Variants in RBSN observed in about 807,000 individuals in gnomAD.
The protein encoded by RBSN is rabenosyn, RAB effector, also known as rabenosyn-5.
A neutral mutation model predicts 60.5 loss-of-function variants in RBSN; 34 were observed. That is an observed-to-expected ratio of 0.56 (90% confidence interval 0.43 to 0.75). The LOEUF (loss-of-function observed/expected upper bound fraction) is 0.75. RBSN is among the 30% of genes least tolerant of loss of function. RBSN has a pLI of 0.00. For synonymous variants in RBSN, 322 were observed against 366.9 expected (o/e 0.88, Z 1.40); for missense variants, 845 against 986.8 (o/e 0.86, Z 1.92).
chr3:15,091,639 G>T, intron 4 of RBSN: 1 of 432,546 alleles, frequency 2.3e-6, no homozygotes, highest in Non-Finnish European at 3.5e-6. Flanking sequence ...TAAGGCAGGT[G>T]ATAGCCCTAC....
chr3:15,084,803 T>C lies in RBSN; in HGVS notation c.530A>G (p.His177Arg). ...AATAGACCCGCAGAGGCGGCAGTGGTGGCGGCGGTTCCGGATGCTGAACTT... is the reference window on the plus strand; with the variant it reads ...AATAGACCCGCAGAGGCGGCAGTGGCGGCGGCGGTTCCGGATGCTGAACTT... The part of the protein sequence containing the change: ...GNKFSIRNRR[H>R]HCRLCGSIMC... The change falls in exon 8 of 14, where the codon CAC becomes CGC. Residue 177 changes from histidine to arginine, a missense_variant. Coordinates refer to ENST00000253699, the MANE Select transcript of RBSN (RefSeq NM_022340.4). The surrounding 1 kb of genome is among the most constrained non-coding windows in gnomAD (Gnocchi z 4.2). 2 of 1,614,180 alleles carry C rather than the reference T, an allele frequency of 1.2e-6. No individual in the cohort carries two copies. The highest frequency in any genetic ancestry group is 1.1e-5 in the South Asian group (1 of 91,084).
At chr3:15,092,264 C>CTT (rs1057386629) in intron 4 of RBSN, among the ~76,000 whole-genome samples, 1 of 142,876 alleles carries the variant, frequency 7.0e-6, no homozygotes, top group Non-Finnish European at 1.5e-5. Context: ...ATACACTTGT[C>CTT]TTTTTTTTTT....
rs1040198670 is a variant in RBSN at position 15,082,213 on chromosome 3, A to C, written c.840+154T>G. 5.3e-5 allele frequency among the ~76,000 whole-genome samples: 8 copies of C among 152,200 alleles called. No homozygotes were observed. Among genetic ancestry groups the C allele is most frequent in the African/African-American group, 1.9e-4 (8 of 41,464 alleles). Reference sequence around the variant, plus strand: ...ATGACTCTGACTCACACAGGGCCCTAGCTGGGAAATCATAACATGGGCCTT... The same window carrying C: ...ATGACTCTGACTCACACAGGGCCCTCGCTGGGAAATCATAACATGGGCCTT... On this transcript the variant is annotated intron_variant, in intron 9 of 13. Coordinates refer to ENST00000253699, the MANE Select transcript of RBSN (RefSeq NM_022340.4). The surrounding 1 kb of genome is among the most constrained non-coding windows in gnomAD (Gnocchi z 4.2).
At chr3:15,083,452 A>G (rs2043258444) in intron 8 of RBSN, among the ~76,000 whole-genome samples, 1 of 152,158 alleles carries the variant, frequency 6.6e-6, no homozygotes, top group African/African-American at 2.4e-5. Flanking sequence ...GATCATCTTC[A>G]GCAACTTCTA....
Position 15,075,605 on chromosome 3 carries a change from C to G in RBSN, c.1206+1G>C. ...GGCCCCATATCCCTGGCTTCACTCA[C>G]TTGTCTCTCCACGGCCCTCTTCCTC... On this transcript the variant is annotated splice_donor_variant, in intron 13 of 13. Transcript: ENST00000253699. LOFTEE classifies it high-confidence loss of function. The G allele has an allele frequency of 6.2e-7, 1 of 1,613,698 alleles. No individual in the cohort carries two copies. Among genetic ancestry groups the G allele is most frequent in the Non-Finnish European group, 8.5e-7 (1 of 1,179,610 alleles).
intron 5 of RBSN, among the ~76,000 whole-genome samples, chr3:15,087,142 C>T (rs2043364538): frequency 6.6e-6 from 1 of 152,180 alleles, no homozygotes; most frequent in South Asian, 2.1e-4. Flanking sequence ...ATATGCATTA[C>T]TTCATATACT....
rs1652102580 is a variant in RBSN, at chr3:15,070,214, A to G, written c.*3568T>C. 1.3e-5 allele frequency: 2 copies of G among 152,620 alleles called. No individual in the cohort carries two copies. The highest frequency in any genetic ancestry group is 1.3e-4 in the Admixed American group (2 of 15,274). 9.5% of individuals were successfully genotyped at this position (152,620 alleles called of 1,614,324 possible). On this transcript the variant is annotated 3_prime_UTR_variant, in exon 14 of 14. Transcript: ENST00000253699. ...CTACAGTCTGTGACCTGGTAAAGAG[A>G]CCACCTTTTCATTTTGAGTCCCATC...
At chr3:15,086,024 A>T in intron 5 of RBSN, 63 bp from the exon 6 acceptor site, 1 of 1,341,242 alleles carries the variant, frequency 7.5e-7, no homozygotes, top group Non-Finnish European at 1.1e-6. Context: ...CCTAGTCTCT[A>T]CCTTGCCTCT....
chr3:15,098,454 G>GCAA (rs2043728936), intron 1 of RBSN, among the ~76,000 whole-genome samples, 180 bp from the exon 2 acceptor site: 2 of 13,340 alleles, frequency 1.5e-4, no homozygotes, highest in African/African-American at 2.7e-4. Flanking sequence ...CACGTAAAAA[G>GCAA]TAAAAAAAAT....
At chr3:15,083,028 T>C (rs2043246704) in intron 8 of RBSN, among the ~76,000 whole-genome samples, 1 of 152,180 alleles carries the variant, frequency 6.6e-6, no homozygotes, top group South Asian at 2.1e-4. Context: ...ATTGCCCATT[T>C]TGGAGCACTT....
chr3:15,081,109 G>T, intron 9 of RBSN: 1 of 251,492 alleles, frequency 4.0e-6, no homozygotes, highest in Non-Finnish European at 7.7e-6. Flanking sequence ...TGCCTCCTGG[G>T]CTCAAGCGAT....
chr3:15,082,648 G>A lies in RBSN; in HGVS notation c.599-40C>T, dbSNP rs2043235414. 7 of 1,604,170 alleles carry A rather than the reference G, an allele frequency of 4.4e-6. No individual in the cohort carries two copies. In the South Asian group the frequency reaches 7.8e-5, roughly 18 times the overall value. ...CCAACAGGCAGCAATGACCCCCACA[G>A]CATCCAATTACCATACCCACGACCT... On this transcript the variant is annotated intron_variant, in intron 8 of 13. Transcript: ENST00000253699. This position sits in a 1 kb window ranked among gnomAD's most constrained non-coding sequence, Gnocchi z 4.2.
chr3:15,083,445 C>T (rs1000206691), intron 8 of RBSN, among the ~76,000 whole-genome samples: 1 of 152,170 alleles, frequency 6.6e-6, no homozygotes, highest in Non-Finnish European at 1.5e-5. Context: ...CCAATGAGAT[C>T]ATCTTCAGCA....
chr3:15,093,058 G>A (rs1287271101), intron 4 of RBSN, among the ~76,000 whole-genome samples: 1 of 152,158 alleles, frequency 6.6e-6, no homozygotes, highest in East Asian at 1.9e-4. Context: ...ACTGGGCCCC[G>A]AACCCACTAA....
rs1243053610 is a variant in RBSN at position 15,072,210 on chromosome 3, GGTGAAACTCTACCTCTAC to G, written c.*1554_*1571del. ...AGTTCGAAACCAGCCTGGCCAAAAT[GGTGAAACTCTACCTCTAC>G]TAAAAATACAGAGATTAACCAGGCG... On this transcript the variant is annotated 3_prime_UTR_variant, in exon 14 of 14. Coordinates refer to ENST00000253699, the MANE Select transcript of RBSN (RefSeq NM_022340.4). The G allele has an allele frequency of 3.9e-5, 6 of 152,394 alleles. No homozygotes were observed. Among genetic ancestry groups the G allele is most frequent in the Admixed American group, 3.9e-4 (6 of 15,278 alleles). The allele number at this position is 152,394 out of a possible 1,614,324, so 9.4% of individuals were successfully genotyped here.
Position 15,073,793 on chromosome 3 carries a change from C to T in RBSN, c.2344G>A (p.Gly782Ser). 6.2e-7 allele frequency: 1 copy of T among 1,601,590 alleles called. No homozygotes were observed. The highest frequency in any genetic ancestry group is 8.5e-7 in the Non-Finnish European group (1 of 1,174,626). Residue 782 changes from glycine (G) to serine (S), a missense_variant, in exon 14 of 14, where the codon GGC (glycine) becomes AGC (serine). Physicochemically the swap from Gly to Ser is moderately conservative, Grantham distance 56 (BLOSUM62 0). Coordinates refer to ENST00000253699, the MANE Select transcript of RBSN (RefSeq NM_022340.4). ...CTCTCCACTGCTGGTCAGTCAGTGC[C>T]CCCCTTCTGCTTGGCCAGGGTGTGC... is the stretch of plus-strand genomic sequence containing the variant. ...LKHTLAKQKG[G>S]TD
intron 10 of RBSN, among the ~76,000 whole-genome samples, chr3:15,078,772 AAAAATACATATATATATATATATATAT>A (rs1485326767): frequency 1.1e-5 from 1 of 93,220 alleles, no homozygotes; most frequent in Non-Finnish European, 2.1e-5. Flanking sequence ...AAAAAAAAAA[AAAAATACATATATATATATATATATAT>A]ATATATATAT....
At chr3:15,089,490 A>C (rs533594520) in intron 5 of RBSN, among the ~76,000 whole-genome samples, 6 of 147,168 alleles carry the variant, frequency 4.1e-5, no homozygotes, top group East Asian at 2.0e-4. Flanking sequence ...AAAAAAAAAA[A>C]CAGATATGTA....
intron 12 of RBSN, among the ~76,000 whole-genome samples, chr3:15,076,411 C>T (rs1024251492): frequency 9.3e-5 from 14 of 151,146 alleles, no homozygotes; most frequent in Admixed American, 5.9e-4. Flanking sequence ...GACCAGCCTG[C>T]GCAACATGGT....
Sources: gnomAD v4.1 joint callset for allele counts (sites outside exome capture counted in the v4.1 genomes callset) on GRCh38, gnomAD v4.1.1 for gene constraint, Gnocchi (gnomAD v3.1) non-coding constraint, MANE v1.5 for transcripts, NCBI Gene and HGNC (gene_info 2026-07-23, HGNC 2026-07-21) for gene names.